SAMMSON: variants seen among roughly 807,000 people sequenced by gnomAD.
SAMMSON encodes the protein survival associated mitochondrial melanoma specific oncogenic non-coding RNA.
chr3:70,383,396 G>A (rs1703090788), intron 9 of SAMMSON, among the ~76,000 whole-genome samples: 1 of 149,700 alleles, frequency 6.7e-6, no homozygotes. Context: ...ACAGGTAAAA[G>A]CAAAAAGTCA....
chr3:70,197,616 TTG>T (rs1279724491), intron 4 of SAMMSON, among the ~76,000 whole-genome samples: 2 of 152,212 alleles, frequency 1.3e-5, no homozygotes, highest in African/African-American at 4.8e-5. Context: ...GCCCTGTTTC[TTG>T]TCACTAGGCT....
chr3:70,320,475 T>C (rs2106716578), intron 7 of SAMMSON, among the ~76,000 whole-genome samples: 1 of 152,224 alleles, frequency 6.6e-6, no homozygotes, highest in Non-Finnish European at 1.5e-5. Flanking sequence ...AAATCAGTTA[T>C]GGAAAAATAA....
At chr3:70,263,604 G>C (rs1419861257) in intron 6 of SAMMSON, among the ~76,000 whole-genome samples, 2 of 152,170 alleles carry the variant, frequency 1.3e-5, no homozygotes, top group African/African-American at 2.4e-5. Context: ...TAGCCTCATA[G>C]GGTTTCACTT....
intron 4 of SAMMSON, among the ~76,000 whole-genome samples, chr3:70,078,355 G>C (rs139572508): frequency 6.6e-6 from 1 of 152,232 alleles, no homozygotes; most frequent in East Asian, 1.9e-4. Flanking sequence ...GGTTCACATA[G>C]GTGCATGCAG....
At chr3:70,231,025 G>C (rs1273948848) in intron 4 of SAMMSON, among the ~76,000 whole-genome samples, 1 of 152,128 alleles carries the variant, frequency 6.6e-6, no homozygotes, top group Non-Finnish European at 1.5e-5. Context: ...CTGGAACATC[G>C]TGTCTTACCA....
chr3:70,061,667 T>C (rs1000947216), intron 3 of SAMMSON, among the ~76,000 whole-genome samples: 2 of 152,056 alleles, frequency 1.3e-5, no homozygotes. Context: ...TGCCTAAAAT[T>C]TGCGTTTGCA....
chr3:70,262,907 C>T (rs892367954), intron 6 of SAMMSON, among the ~76,000 whole-genome samples: 17 of 152,084 alleles, frequency 1.1e-4, no homozygotes, highest in Non-Finnish European at 2.4e-4. Context: ...CTGTGTTTTG[C>T]TTTGGATAGT....
intron 6 of SAMMSON, among the ~76,000 whole-genome samples, chr3:70,270,970 A>C (rs1340797585): frequency 6.6e-6 from 1 of 152,156 alleles, no homozygotes; most frequent in Non-Finnish European, 1.5e-5. Flanking sequence ...TCGCCATGGC[A>C]CATGTATACC....
At chr3:70,167,477 C>A (rs1039732774) in intron 4 of SAMMSON, among the ~76,000 whole-genome samples, 4 of 151,932 alleles carry the variant, frequency 2.6e-5, no homozygotes, top group African/African-American at 9.7e-5. Flanking sequence ...TATATATTTT[C>A]ACAGCCTTTG....
intron 7 of SAMMSON, among the ~76,000 whole-genome samples, chr3:70,330,976 C>T (rs995736314): frequency 1.3e-5 from 2 of 152,102 alleles, no homozygotes; most frequent in African/African-American, 2.4e-5. Context: ...GACAAGTGAA[C>T]ATTTTACATC....
At chr3:70,348,307 G>A (rs780317407) in intron 7 of SAMMSON, among the ~76,000 whole-genome samples, 3 of 152,170 alleles carry the variant, frequency 2.0e-5, no homozygotes, top group East Asian at 1.9e-4. Context: ...CAAAGGTTCT[G>A]TATTAGCCCA....
intron 4 of SAMMSON, among the ~76,000 whole-genome samples, chr3:70,175,122 GTAGTTTAACTCTA>G (rs1701000685): frequency 1.3e-5 from 2 of 152,032 alleles, no homozygotes; most frequent in Non-Finnish European, 2.9e-5. Flanking sequence ...GATTGACACA[GTAGTTTAACTCTA>G]TTGGGGACTT....
At chr3:70,353,018 T>C (rs1247025567) in intron 7 of SAMMSON, among the ~76,000 whole-genome samples, 1 of 151,990 alleles carries the variant, frequency 6.6e-6, no homozygotes, top group African/African-American at 2.4e-5. Flanking sequence ...CTAGAGCAAT[T>C]GGACATCCAT....
intron 4 of SAMMSON, among the ~76,000 whole-genome samples, chr3:70,217,436 C>T (rs1177041412): frequency 6.6e-6 from 1 of 152,032 alleles, no homozygotes; most frequent in Non-Finnish European, 1.5e-5. Context: ...TTGCTAATTG[C>T]CTTCCAGAAA....
chr3:70,225,962 A>G (rs1335922993), intron 4 of SAMMSON, among the ~76,000 whole-genome samples: 1 of 152,150 alleles, frequency 6.6e-6, no homozygotes, highest in Admixed American at 6.6e-5. Flanking sequence ...TTACGTCATT[A>G]ACAATGTAGA....
intron 2 of SAMMSON, among the ~76,000 whole-genome samples, chr3:70,412,589 C>A (rs574265527): frequency 1.3e-5 from 2 of 152,250 alleles, no homozygotes; most frequent in East Asian, 3.9e-4. Context: ...ATGATGAGGA[C>A]ATCAGTAGCA....
intron 3 of SAMMSON, among the ~76,000 whole-genome samples, chr3:70,067,409 G>T (rs2067213588): frequency 6.6e-6 from 1 of 152,096 alleles, no homozygotes; most frequent in Middle Eastern, 3.4e-3. Flanking sequence ...CAAGAAAAGG[G>T]TAACAATAGG....
intron 6 of SAMMSON, among the ~76,000 whole-genome samples, chr3:70,286,759 T>TG (rs1702168634): frequency 6.6e-6 from 1 of 152,196 alleles, no homozygotes; most frequent in South Asian, 2.1e-4. Flanking sequence ...TAGTTCTCCT[T>TG]GAAGAGGTCC....
At chr3:70,014,205 G>A (rs1362791524) in intron 3 of SAMMSON, 1 of 152,116 alleles carries the variant, frequency 6.6e-6, no homozygotes, top group Non-Finnish European at 1.5e-5. Context: ...AGTGACCTGT[G>A]ACACAGGATT....
Sources: gnomAD v4.1 joint callset for allele counts (sites outside exome capture counted in the v4.1 genomes callset) on GRCh38, gnomAD v4.1.1 for gene constraint, MANE v1.5 for transcripts, NCBI Gene and HGNC (gene_info 2026-07-23, HGNC 2026-07-21) for gene names.